The following CDH16 variants were observed in gnomAD, a reference collection of about 807,000 sequenced individuals.
The protein encoded by CDH16 is cadherin-16.
In CDH16, 79 loss-of-function variants were observed where a neutral mutation model predicts 87.6. That is an observed-to-expected ratio of 0.90 (90% confidence interval 0.75 to 1.09). The LOEUF is 1.09. Ranked by LOEUF, CDH16 falls within the 50% of genes least tolerant of loss-of-function variation. CDH16 has a pLI of 0.00. For missense variants in CDH16, 1,124 were observed against 1,071.7 expected, an observed-to-expected ratio of 1.05 and a Z score of -0.68; for synonymous variants, 457 against 439.5, an observed-to-expected ratio of 1.04 and a Z score of -0.50.
rs1567534951 is a variant in CDH16, at chr16:66,914,315, G to T, written c.681C>A (p.Ala227=). ...TCTCTATGATGGAGACTTCCACGGTGGCAGTGGCCTGGTGGCCTGAGGCCT... is the reference window on the plus strand; with the variant it reads ...TCTCTATGATGGAGACTTCCACGGTTGCAGTGGCCTGGTGGCCTGAGGCCT... ...GDQASGHQAT[A]TVEVSIIEST... Residue 227 remains alanine (A), a synonymous_variant, in exon 7 of 18, where the codon GCC becomes GCA. Transcript: ENST00000299752. The T allele has an allele frequency of 3.1e-6, 5 of 1,614,054 alleles. No homozygotes were observed. The highest frequency in any genetic ancestry group is 1.7e-5 in the Admixed American group (1 of 60,006).
chr16:66,908,372 G>C lies in CDH16; in HGVS notation c.*20C>G. The C allele has an allele frequency of 1.2e-6, 2 of 1,607,098 alleles. No homozygotes were observed. Among genetic ancestry groups the C allele is most frequent in the Non-Finnish European group, 1.7e-6 (2 of 1,174,390 alleles). On this transcript the variant is annotated 3_prime_UTR_variant, in exon 18 of 18. Coordinates refer to ENST00000299752, the MANE Select transcript of CDH16 (RefSeq NM_004062.4). Reference sequence around the variant, plus strand: ...GATGGAGCCAGAGGCCAAGCTCCCAGCTAGAGCTGCCTGGGCCATTCAGAC... The same window carrying C: ...GATGGAGCCAGAGGCCAAGCTCCCACCTAGAGCTGCCTGGGCCATTCAGAC...
In CDH16 at chr16:66,913,224, C is replaced by G. The variant is rs995692438; in HGVS notation, c.961G>C (p.Glu321Gln). 12 of 1,591,450 alleles carry G rather than the reference C, an allele frequency of 7.5e-6. No homozygotes were observed. In the Admixed American group the frequency reaches 1.4e-4, roughly 19 times the overall value. The change falls in exon 9 of 18, where the codon GAG (glutamate) becomes CAG (glutamine). Residue 321 changes from glutamate to glutamine, a missense_variant. Glu to Gln is a conservative substitution (Grantham distance 29). Transcript: ENST00000299752. ...TCATCCATCACCAGCACGTGCAGCT[C>G]CAGAGGGGCCGCATAGTCCTCGCCA... is the stretch of plus-strand genomic sequence containing the variant. Reference protein sequence around the residue: ...SHGEDYAAPLELHVLVMDEND... With the variant: ...SHGEDYAAPLQLHVLVMDEND...
intron 8 of CDH16, 86 bp from the exon 9 acceptor site, chr16:66,913,367 C>T: frequency 2.6e-6 from 4 of 1,561,088 alleles, no homozygotes; most frequent in Non-Finnish European, 3.5e-6. Context: ...GGTGGGCCAG[C>T]TCCAGCTCTT....
At position 66,909,219 on chromosome 16, in the gene CDH16, A is replaced by G; in HGVS notation, c.2392+48T>C. On this transcript the variant is annotated intron_variant, in intron 17 of 17. Coordinates refer to ENST00000299752, the MANE Select transcript of CDH16 (RefSeq NM_004062.4). The surrounding 1 kb of genome is among the most constrained non-coding windows in gnomAD (Gnocchi z 4.1). ...GTGTTTATTTGGAGGCTGTGGTCCCAACCACCCATCGCCCTCGCCCACGCA... is the reference window on the plus strand; with the variant it reads ...GTGTTTATTTGGAGGCTGTGGTCCCGACCACCCATCGCCCTCGCCCACGCA... 1 of 1,210,966 alleles carries G rather than the reference A, an allele frequency of 8.3e-7. No homozygotes were observed. Among genetic ancestry groups the G allele is most frequent in the Non-Finnish European group, 1.2e-6 (1 of 812,306 alleles). 75.0% of individuals were successfully genotyped at this position (1,210,966 alleles called of 1,614,324 possible). A position where few individuals can be genotyped will look rare whatever the true frequency, so the allele number is the denominator to read the frequency against.
chr16:66,914,488 A>G, intron 6 of CDH16, 76 bp from the exon 7 acceptor site: 1 of 1,122,514 alleles, frequency 8.9e-7, no homozygotes, highest in Non-Finnish European at 1.3e-6. Context: ...GCAAGATACC[A>G]GACACAAAAC....
chr16:66,913,485 T>C lies in CDH16; in HGVS notation c.903+6A>G, dbSNP rs188342103. The C allele has an allele frequency of 9.7e-5, 157 of 1,614,104 alleles. 1 individual carries two copies. Among genetic ancestry groups the C allele is most frequent in the Non-Finnish European group, 4.2e-6 (5 of 1,179,978 alleles). ...GCCTGCATCCCTGGCTCCCCCTTCA[T>C]ATCACCTCAGCCTGGGCTTCTCTGT... On this transcript the variant is annotated splice_donor_region_variant and intron_variant, in intron 8 of 17. Coordinates refer to ENST00000299752, the MANE Select transcript of CDH16 (RefSeq NM_004062.4).
In CDH16 at chr16:66,912,429, ATCT is replaced by A. The variant is rs1378208346; in HGVS notation, c.1360-2_1360del. 6.2e-7 allele frequency: 1 copy of A among 1,613,942 alleles called. No homozygotes were observed. Among genetic ancestry groups the A allele is most frequent in the South Asian group, 1.1e-5 (1 of 91,072 alleles). ...ATCCTCAGGGAGGCTTATAGGCCCA[ATCT>A]GGAGGAGGAGGAGGGATGGTGAGCC... On this transcript the variant is annotated splice_acceptor_variant and coding_sequence_variant, in exon 12 of 18. Transcript: ENST00000299752. LOFTEE classifies it high-confidence loss of function.
Position 66,916,288 on chromosome 16 carries a change from C to T in CDH16, c.271G>A (p.Glu91Lys). 1 of 1,613,790 alleles carries T rather than the reference C, an allele frequency of 6.2e-7. No individual in the cohort carries two copies. Residue 91 changes from glutamate to lysine, a missense_variant, in exon 4 of 18, where the codon GAG becomes AAG. By Grantham distance (56) the Glu-to-Lys change is moderately conservative. Coordinates refer to ENST00000299752, the MANE Select transcript of CDH16 (RefSeq NM_004062.4). This position sits in a 1 kb window ranked among gnomAD's most constrained non-coding sequence, Gnocchi z 4.1. ...TRALDREEQA[E>K]YQLQVTLEMQ... ...CCCAGCCATACCTGTAGCTGGTACT[C>T]TGCCTGCTCCTCTCGGTCCAGGGCC...
intron 14 of CDH16, 104 bp from the exon 15 acceptor site, chr16:66,910,606 T>C (rs1962370024): frequency 4.3e-6 from 5 of 1,173,372 alleles, no homozygotes; most frequent in Non-Finnish European, 4.5e-6. Context: ...CCTTATAGAC[T>C]CCCCTGCCAT....
chr16:66,916,577 G>C lies in CDH16; in HGVS notation c.130-148C>G. ...GAGGTCACACAGCCAGTAAGCATCA[G>C]GACTGAGACTCAGAGCCAGAACTCT... is the stretch of plus-strand genomic sequence containing the variant. On this transcript the variant is annotated intron_variant, in intron 3 of 17. Coordinates refer to ENST00000299752, the MANE Select transcript of CDH16 (RefSeq NM_004062.4). This position sits in a 1 kb window ranked among gnomAD's most constrained non-coding sequence, Gnocchi z 4.1. 1.1e-6 allele frequency: 1 copy of C among 873,232 alleles called. No individual in the cohort carries two copies. Among genetic ancestry groups the C allele is most frequent in the East Asian group, 2.7e-5 (1 of 36,840 alleles). The allele number at this position is 873,232 out of a possible 1,614,324, so 54.1% of individuals were successfully genotyped here.
chr16:66,911,123 G>T, intron 14 of CDH16, 59 bp downstream of exon 14: 7 of 1,534,928 alleles, frequency 4.6e-6, no homozygotes, highest in Non-Finnish European at 6.2e-6. Context: ...CAGTCCTGCT[G>T]TCTGTCTGTC....
chr16:66,917,977 C>T (rs1962761647), intron 2 of CDH16, 44 bp downstream of exon 2: 4 of 1,521,248 alleles, frequency 2.6e-6, no homozygotes, highest in South Asian at 2.5e-5. Context: ...GGTGTCAACC[C>T]CCAAAGCCAA....
At chr16:66,917,986 A>G (rs1479595973) in intron 2 of CDH16, 35 bp downstream of exon 2, 2 of 1,545,294 alleles carry the variant, frequency 1.3e-6, no homozygotes, top group African/African-American at 1.4e-5. Context: ...CCCCAAAGCC[A>G]AGACCTGAAG....
At position 66,916,515 on chromosome 16, in the gene CDH16, G is replaced by T; in HGVS notation, c.130-86C>A. 1 of 1,423,618 alleles carries T rather than the reference G, an allele frequency of 7.0e-7. No homozygotes were observed. The highest frequency in any genetic ancestry group is 2.4e-5 in the East Asian group (1 of 42,034). The allele number at this position is 1,423,618 out of a possible 1,614,324, so 88.2% of individuals were successfully genotyped here. ...CACCTGATGGCCTCATTTTACATGT[G>T]GGGAAACTGAGTCTCAGAGACATCT... On this transcript the variant is annotated intron_variant, in intron 3 of 17. Coordinates refer to ENST00000299752, the MANE Select transcript of CDH16 (RefSeq NM_004062.4). This position sits in a 1 kb window ranked among gnomAD's most constrained non-coding sequence, Gnocchi z 4.1.
rs780328863 is a variant in CDH16, at chr16:66,915,253, G to A, written c.550C>T (p.Pro184Ser). 1.9e-6 allele frequency: 3 copies of A among 1,613,152 alleles called. No individual in the cohort carries two copies. Among genetic ancestry groups the A allele is most frequent in the Admixed American group, 1.7e-5 (1 of 59,952 alleles). Residue 184 changes from proline to serine, a missense_variant, in exon 6 of 18, where the codon CCT (proline) becomes TCT (serine). Physicochemically the swap from Pro to Ser is moderately conservative, Grantham distance 74. Transcript: ENST00000299752. ...CTGAGGGCCAGAGCCCCCAGCCGAG[G>A]CTCCAGCTGGAACATGTCTGGGGAA... ...QPSPDMFQLE[P>S]RLGALALSPK...
intron 3 of CDH16, 29 bp downstream of exon 3, chr16:66,917,613 C>A: frequency 6.4e-7 from 1 of 1,563,808 alleles, no homozygotes; most frequent in Non-Finnish European, 8.8e-7. Flanking sequence ...AGGGATCCCC[C>A]CGGCCCCAAC....
rs1175002949 is a variant in CDH16 at position 66,916,919 on chromosome 16, A to G, written c.130-490T>C. Among the ~76,000 whole-genome samples, 1 of 152,166 alleles carries G rather than the reference A, an allele frequency of 6.6e-6. No homozygotes were observed. The highest frequency in any genetic ancestry group is 1.5e-5 in the Non-Finnish European group (1 of 68,040). ...AAATCATTAAAAATATTCGCCCAGGAGCAGACTCACACTGGGCTCTTGGCC... is the reference window on the plus strand; with the variant it reads ...AAATCATTAAAAATATTCGCCCAGGGGCAGACTCACACTGGGCTCTTGGCC... On this transcript the variant is annotated intron_variant, in intron 3 of 17. Transcript: ENST00000299752. The surrounding 1 kb of genome is among the most constrained non-coding windows in gnomAD (Gnocchi z 4.1).
rs968058134 is a variant in CDH16 at position 66,917,927 on chromosome 16, C to T, written c.45+94G>A. 2.0e-5 allele frequency: 24 copies of T among 1,181,272 alleles called. No individual in the cohort carries two copies. In the Admixed American group the frequency reaches 5.0e-4, roughly 25 times the overall value. The allele number at this position is 1,181,272 out of a possible 1,614,324, so 73.2% of individuals were successfully genotyped here. On this transcript the variant is annotated intron_variant, in intron 2 of 17. Transcript: ENST00000299752. The stretch of plus-strand genomic sequence containing the variant: ...CCCCTCCCATGCCTTGCACCGTTCT[C>T]ACGGTCAGTGCAATTGGTCCAGGTG...
chr16:66,913,044 G>A, intron 9 of CDH16, 87 bp downstream of exon 9: 1 of 1,439,548 alleles, frequency 6.9e-7, no homozygotes, highest in Non-Finnish European at 9.5e-7. Flanking sequence ...CATTGACATG[G>A]GGGCCTGAGG....
Sources: gnomAD v4.1 joint callset for allele counts (sites outside exome capture counted in the v4.1 genomes callset) on GRCh38, gnomAD v4.1.1 for gene constraint, Gnocchi (gnomAD v3.1) non-coding constraint, MANE v1.5 for transcripts, NCBI Gene and HGNC (gene_info 2026-07-23, HGNC 2026-07-21) for gene names.